SLC24A3: variants seen among roughly 807,000 people sequenced by gnomAD.
SLC24A3 encodes the protein solute carrier family 24 member 3.
A neutral mutation model predicts 75.8 loss-of-function variants in SLC24A3; 28 were observed. That is an observed-to-expected ratio of 0.37 (90% CI 0.27 to 0.51). The LOEUF (loss-of-function observed/expected upper bound fraction) is 0.51, where lower values mean the gene tolerates loss of function less well. Among genes scored for constraint, SLC24A3 ranks in the 20% least tolerant of loss-of-function variants. SLC24A3 has a pLI of 0.94. For missense variants in SLC24A3, 663 were observed against 847.8 expected (o/e 0.78, Z 2.71); for synonymous variants, 372 against 334.1 (o/e 1.11, Z -1.24).
chr20:19,666,995 G>A (rs1416344233), intron 8 of SLC24A3, among the ~76,000 whole-genome samples: 3 of 152,192 alleles, frequency 2.0e-5, no homozygotes, highest in East Asian at 3.9e-4. Context: ...AGGAATAGGC[G>A]TAGGTAGAAA....
At chr20:19,524,480 C>T (rs552621854) in intron 3 of SLC24A3, among the ~76,000 whole-genome samples, 10 of 152,206 alleles carry the variant, frequency 6.6e-5, no homozygotes, top group African/African-American at 1.4e-4. Context: ...TTTATCATGG[C>T]GCCAAATGGT....
At chr20:19,377,730 T>C (rs929838206) in intron 2 of SLC24A3, among the ~76,000 whole-genome samples, 1 of 152,216 alleles carries the variant, frequency 6.6e-6, no homozygotes, top group Non-Finnish European at 1.5e-5. Context: ...GGTCAGTCAG[T>C]TCATTTCAAA....
chr20:19,638,592 T>C (rs990677671), intron 6 of SLC24A3, among the ~76,000 whole-genome samples: 1 of 152,128 alleles, frequency 6.6e-6, no homozygotes, highest in Non-Finnish European at 1.5e-5. Flanking sequence ...CCAGGCAGTG[T>C]TCTAAACCTG....
At chr20:19,380,785 A>T (rs1342928123) in intron 2 of SLC24A3, among the ~76,000 whole-genome samples, 1 of 152,224 alleles carries the variant, frequency 6.6e-6, no homozygotes, top group Non-Finnish European at 1.5e-5. Context: ...GTCCAAAATG[A>T]TTCCATCCAC....
chr20:19,688,523 C>G (rs1364639635), intron 12 of SLC24A3, among the ~76,000 whole-genome samples: 2 of 152,242 alleles, frequency 1.3e-5, no homozygotes, highest in Non-Finnish European at 2.9e-5. Flanking sequence ...GGGTGAGAAG[C>G]CTGTCGGGTG....
At position 19,346,085 on chromosome 20, in the gene SLC24A3, A is replaced by G. The variant is rs1401007009; in HGVS notation, c.271+64998A>G. ...AAACTATATATATATATATATATAT[A>G]TATATATATATATATATATATATGG... On this transcript the variant is annotated intron_variant, in intron 2 of 16. Transcript: ENST00000328041. Among the ~76,000 whole-genome samples, 17 of 69,590 alleles carry G rather than the reference A, an allele frequency of 2.4e-4. 3 individuals carry two copies. Among genetic ancestry groups the G allele is most frequent in the African/African-American group, 1.6e-3 (13 of 8,046 alleles). 45.7% of individuals were successfully genotyped at this position (69,590 alleles called of 152,430 possible). A position where few individuals can be genotyped will look rare whatever the true frequency, so the allele number is the denominator to read the frequency against.
chr20:19,347,489 T>G (rs1029191518), intron 2 of SLC24A3, among the ~76,000 whole-genome samples: 1 of 152,242 alleles, frequency 6.6e-6, no homozygotes, highest in Non-Finnish European at 1.5e-5. Flanking sequence ...TTGGGAACTC[T>G]GTACATTCTG....
chr20:19,333,681 T>C (rs1212967415), intron 2 of SLC24A3, among the ~76,000 whole-genome samples: 3 of 151,422 alleles, frequency 2.0e-5, no homozygotes, highest in African/African-American at 7.3e-5. Flanking sequence ...GTGTGTGCAG[T>C]ATAACTGATT....
intron 2 of SLC24A3, among the ~76,000 whole-genome samples, chr20:19,337,401 A>T (rs973137677): frequency 7.9e-5 from 12 of 152,126 alleles, no homozygotes; most frequent in African/African-American, 2.9e-4. Flanking sequence ...CTGAAATCAC[A>T]CCATTGCACT....
At chr20:19,554,734 G>T (rs1197347677) in intron 3 of SLC24A3, among the ~76,000 whole-genome samples, 1 of 152,220 alleles carries the variant, frequency 6.6e-6, no homozygotes, top group African/African-American at 2.4e-5. Context: ...TCCAGAGGCA[G>T]CAGGCAGAGC....
intron 2 of SLC24A3, among the ~76,000 whole-genome samples, chr20:19,507,960 C>T (rs973577501): frequency 1.3e-5 from 2 of 152,170 alleles, no homozygotes; most frequent in Non-Finnish European, 2.9e-5. Flanking sequence ...TGACAGGGCT[C>T]CTGTCCTCAG....
At chr20:19,700,887 A>G (rs1302746319) in intron 15 of SLC24A3, among the ~76,000 whole-genome samples, 2 of 152,210 alleles carry the variant, frequency 1.3e-5, no homozygotes, top group African/African-American at 4.8e-5. Flanking sequence ...ATCTTTGTAC[A>G]TTAACCTATA....
At chr20:19,269,524 T>C (rs753831494) in intron 1 of SLC24A3, among the ~76,000 whole-genome samples, 9 of 152,252 alleles carry the variant, frequency 5.9e-5, no homozygotes, top group Non-Finnish European at 1.0e-4. Context: ...GAGGCCCACA[T>C]TGTTTCCATT....
chr20:19,693,212 T>C, intron 12 of SLC24A3, 47 bp from the exon 13 acceptor site: 1 of 1,555,754 alleles, frequency 6.4e-7, no homozygotes, highest in Non-Finnish European at 8.6e-7. Flanking sequence ...ACTGGGGTTC[T>C]TTGTTATTTT....
chr20:19,557,231 T>C (rs1178203998), intron 3 of SLC24A3, among the ~76,000 whole-genome samples: 1 of 152,162 alleles, frequency 6.6e-6, no homozygotes, highest in Non-Finnish European at 1.5e-5. Flanking sequence ...ACTTGTGAAA[T>C]CCTCTCCCAA....
chr20:19,584,688 C>A (rs2031269750), intron 4 of SLC24A3, among the ~76,000 whole-genome samples: 1 of 152,170 alleles, frequency 6.6e-6, no homozygotes, highest in Non-Finnish European at 1.5e-5. Context: ...TTCCCAAGAG[C>A]CTTTAGCTCA....
At chr20:19,507,804 A>G (rs1198762949) in intron 2 of SLC24A3, among the ~76,000 whole-genome samples, 2 of 152,152 alleles carry the variant, frequency 1.3e-5, no homozygotes, top group Admixed American at 6.5e-5. Flanking sequence ...GTCCCTCCCA[A>G]CACCATTTCT....
In SLC24A3 at chr20:19,212,980, G is replaced by A; in HGVS notation, c.138G>A (p.Gln46=). 1 of 1,290,642 alleles carries A rather than the reference G, an allele frequency of 7.7e-7. No homozygotes were observed. The highest frequency in any genetic ancestry group is 9.8e-7 in the Non-Finnish European group (1 of 1,017,196). The allele number at this position is 1,290,642 out of a possible 1,614,324, so 79.9% of individuals were successfully genotyped here. A position where few individuals can be genotyped will look rare whatever the true frequency, so the allele number is the denominator to read the frequency against. Residue 46 remains glutamine (Q), a synonymous_variant, in exon 1 of 17, where the codon CAG becomes CAA. Coordinates refer to ENST00000328041, the MANE Select transcript of SLC24A3 (RefSeq NM_020689.4). ...GGTCGCTGTCGAGCCTGCGAGAGCA[G>A]AAGGGTGAGTGCACGCTGCCTGCCC... The part of the protein sequence containing the change: ...LLWSLSSLRE[Q]KELDLMDLVG...
intron 1 of SLC24A3, among the ~76,000 whole-genome samples, chr20:19,228,723 A>G (rs889660383): frequency 2.0e-4 from 30 of 152,236 alleles, no homozygotes; most frequent in African/African-American, 5.8e-4. Flanking sequence ...TAATATAACA[A>G]TATATATAGA....
Sources: allele counts gnomAD v4.1 joint callset (sites outside exome capture counted in the v4.1 genomes callset), GRCh38; gene constraint gnomAD v4.1.1; transcripts MANE v1.5; gene names NCBI Gene and HGNC (gene_info 2026-07-23, HGNC 2026-07-21).